The following SLC9C2 variants were observed in gnomAD, a reference collection of about 807,000 sequenced individuals.
The protein encoded by SLC9C2 is solute carrier family 9 member C2 (putative).
A neutral mutation model predicts 140.2 loss-of-function variants in SLC9C2; 75 were observed. That is an observed-to-expected ratio of 0.53 (90% confidence interval 0.44 to 0.65). The LOEUF (loss-of-function observed/expected upper bound fraction) is 0.65. SLC9C2 is among the 30% of genes least tolerant of loss of function. The pLI, the probability that SLC9C2 is intolerant of heterozygous loss-of-function variation, is 0.00. For synonymous variants in SLC9C2, 375 were observed against 420.9 expected (o/e 0.89, Z 1.34); for missense variants, 1,074 against 1,331.8 (o/e 0.81, Z 3.01).
chr1:173,588,362 C>G (rs902083302), intron 4 of SLC9C2, among the ~76,000 whole-genome samples: 1 of 151,872 alleles, frequency 6.6e-6, no homozygotes, highest in Non-Finnish European at 1.5e-5. Context: ...TTGTTTATGC[C>G]CAAGTATAAG....
At chr1:173,561,487 A>G (rs1664101799) in intron 9 of SLC9C2, among the ~76,000 whole-genome samples, 1 of 152,210 alleles carries the variant, frequency 6.6e-6, no homozygotes, top group African/African-American at 2.4e-5. Context: ...ACCTCAGACT[A>G]AAGAGTTAAT....
At chr1:173,543,834 C>T (rs1377252305) in intron 13 of SLC9C2, among the ~76,000 whole-genome samples, 3 of 152,156 alleles carry the variant, frequency 2.0e-5, no homozygotes, top group South Asian at 2.1e-4. Flanking sequence ...CCCTTCCTTA[C>T]ACCTTATACA....
At position 173,544,828 on chromosome 1, in the gene SLC9C2, C is replaced by T. The variant is rs372136700; in HGVS notation, c.1557+2861G>A. Among the ~76,000 whole-genome samples, 20 of 152,010 alleles carry T rather than the reference C, an allele frequency of 1.3e-4. No homozygotes were observed. In the East Asian group the frequency reaches 3.1e-3, roughly 24 times the overall value. ...ACAATGAGAACACTTGGACACAGGG[C>T]GGGGAACATCACACACCAGGGCCTG... On this transcript the variant is annotated intron_variant, in intron 13 of 27. Transcript: ENST00000367714.
chr1:173,510,367 G>T (rs1309697357), intron 23 of SLC9C2, among the ~76,000 whole-genome samples: 1 of 152,098 alleles, frequency 6.6e-6, no homozygotes, highest in East Asian at 1.9e-4. Flanking sequence ...TACAGAATGC[G>T]TAGGTTTGTT....
chr1:173,567,235 C>G (rs1664530258), intron 9 of SLC9C2, among the ~76,000 whole-genome samples: 1 of 152,020 alleles, frequency 6.6e-6, no homozygotes, highest in African/African-American at 2.4e-5. Flanking sequence ...ATATTTTTGT[C>G]TGGAAGATCT....
chr1:173,532,884 TAAAAAATGTAAAAAGAAAG>T, intron 17 of SLC9C2, among the ~76,000 whole-genome samples: 1 of 152,130 alleles, frequency 6.6e-6, no homozygotes, highest in Middle Eastern at 3.4e-3. Flanking sequence ...CCATTTCTAT[TAAAAAATGTAAAAAGAAAG>T]ACCAAAACAA....
chr1:173,511,409 A>C (rs191957214), intron 23 of SLC9C2, among the ~76,000 whole-genome samples: 1 of 151,950 alleles, frequency 6.6e-6, no homozygotes, highest in Non-Finnish European at 1.5e-5. Flanking sequence ...GCATTTTTCT[A>C]ATCAGTGATG....
At chr1:173,511,029 CTTTTTTTT>C (rs71111066) in intron 23 of SLC9C2, among the ~76,000 whole-genome samples, 11 of 86,738 alleles carry the variant, frequency 1.3e-4, no homozygotes, top group Admixed American at 3.3e-4. Flanking sequence ...CTTTCTTTTC[CTTTTTTTT>C]TTTTTTTTTT....
rs1211268354 is a variant in SLC9C2 at position 173,533,541 on chromosome 1, G to A, written c.2163+68C>T. 1.3e-5 allele frequency: 16 copies of A among 1,239,050 alleles called. No homozygotes were observed. In the South Asian group the frequency reaches 1.9e-4, roughly 15 times the overall value. The allele number at this position is 1,239,050 out of a possible 1,614,324, so 76.8% of individuals were successfully genotyped here. A position where few individuals can be genotyped will look rare whatever the true frequency, so the allele number is the denominator to read the frequency against. ...AATCCACCCACCTAGGCCTCCCAAA[G>A]TGCTGGGATTATAGGTGTGAGCTAC... On this transcript the variant is annotated intron_variant, in intron 17 of 27. Transcript: ENST00000367714.
chr1:173,525,469 T>A (rs1661131590), intron 19 of SLC9C2, among the ~76,000 whole-genome samples: 1 of 152,244 alleles, frequency 6.6e-6, no homozygotes, highest in Admixed American at 6.5e-5. Context: ...CACACTCTTT[T>A]CTTTTTAACT....
chr1:173,534,108 A>T (rs937751643), intron 16 of SLC9C2, among the ~76,000 whole-genome samples: 8 of 152,166 alleles, frequency 5.3e-5, no homozygotes, highest in Non-Finnish European at 1.5e-5. Flanking sequence ...CACCTTTTAC[A>T]CATTTATACT....
At chr1:173,505,438 TG>T in intron 25 of SLC9C2, 107 bp from the exon 26 acceptor site, 1 of 802,288 alleles carries the variant, frequency 1.2e-6, no homozygotes, top group African/African-American at 1.7e-5. Context: ...AGCCTAAAGC[TG>T]GGTCTTCAAT....
intron 13 of SLC9C2, among the ~76,000 whole-genome samples, chr1:173,543,623 A>C (rs918228634): frequency 6.6e-6 from 1 of 152,218 alleles, no homozygotes; most frequent in African/African-American, 2.4e-5. Flanking sequence ...GGCTACAGTA[A>C]CAAAAACAGC....
At chr1:173,602,293 T>G (rs301694) in intron 1 of SLC9C2, among the ~76,000 whole-genome samples, 144,706 of 152,188 alleles carry the variant, frequency 0.95, 68,879 homozygotes, top group East Asian at 1. Flanking sequence ...CCTTCTCTGT[T>G]GGTATAAATC....
intron 4 of SLC9C2, among the ~76,000 whole-genome samples, chr1:173,594,309 C>T (rs950254082): frequency 6.6e-6 from 1 of 152,116 alleles, no homozygotes; most frequent in Non-Finnish European, 1.5e-5. Flanking sequence ...AGAAGGAAGA[C>T]ATTGAATGTT....
intron 23 of SLC9C2, among the ~76,000 whole-genome samples, chr1:173,515,205 C>A (rs1014215701): frequency 2.0e-5 from 3 of 152,116 alleles, no homozygotes; most frequent in African/African-American, 7.2e-5. Flanking sequence ...GTCTGCCTTG[C>A]TAGGTCAGGG....
chr1:173,511,654 A>C (rs1255081508), intron 23 of SLC9C2, among the ~76,000 whole-genome samples: 1 of 152,076 alleles, frequency 6.6e-6, no homozygotes, highest in Admixed American at 6.5e-5. Flanking sequence ...GAAGCTCTTT[A>C]ATTAGATCTC....
At chr1:173,556,440 A>T (rs1371630622) in intron 10 of SLC9C2, among the ~76,000 whole-genome samples, 1 of 152,178 alleles carries the variant, frequency 6.6e-6, no homozygotes, top group Non-Finnish European at 1.5e-5. Context: ...CGAGAAATAA[A>T]TTTTTTAAAA....
chr1:173,529,305 C>T (rs1328519845), intron 18 of SLC9C2, among the ~76,000 whole-genome samples: 1 of 152,046 alleles, frequency 6.6e-6, no homozygotes, highest in Non-Finnish European at 1.5e-5. Flanking sequence ...AGTCACGTTC[C>T]ACTTTCCCCA....
Sources: allele counts gnomAD v4.1 joint callset (sites outside exome capture counted in the v4.1 genomes callset), GRCh38; gene constraint gnomAD v4.1.1; transcripts MANE v1.5; gene names NCBI Gene and HGNC (gene_info 2026-07-23, HGNC 2026-07-21).